The following USP6NL variants were observed in gnomAD, a reference collection of about 807,000 sequenced individuals.
USP6NL encodes the protein USP6 N-terminal-like protein.
USP6NL carries 26 observed loss-of-function variants against 61.9 expected under a neutral mutation model. That is an observed-to-expected ratio of 0.42 (90% CI 0.31 to 0.58). The LOEUF is 0.58. Among genes scored for constraint, USP6NL ranks in the 20% least tolerant of loss-of-function variants. The probability of loss-of-function intolerance (pLI) is 0.16; values close to 1 mark genes in which losing one functional copy is unlikely to be tolerated. For missense variants in USP6NL, 1,114 were observed against 1,034.3 expected (o/e 1.08, Z -1.06); for synonymous variants, 432 against 390.1 (o/e 1.11, Z -1.27).
intron 7 of USP6NL, among the ~76,000 whole-genome samples, chr10:11,494,740 G>T (rs1319620602): frequency 7.1e-6 from 1 of 140,436 alleles, no homozygotes; most frequent in Non-Finnish European, 1.6e-5. Flanking sequence ...AGAGAGAGAG[G>T]GAGACAGAGA....
intron 2 of USP6NL, among the ~76,000 whole-genome samples, chr10:11,529,373 T>TA (rs1017543267): frequency 6.6e-6 from 1 of 152,178 alleles, no homozygotes; most frequent in African/African-American, 2.4e-5. Context: ...ATAATATGTG[T>TA]AAAAAAATCT....
Position 11,461,293 on chromosome 10 carries a change from T to A in USP6NL, c.*1148A>T, listed in dbSNP as rs2096213357. 1 of 151,926 alleles carries A rather than the reference T, an allele frequency of 6.6e-6. No individual in the cohort carries two copies. The highest frequency in any genetic ancestry group is 6.6e-5 in the Admixed American group (1 of 15,226). 9.4% of individuals were successfully genotyped at this position (151,926 alleles called of 1,614,324 possible). On this transcript the variant is annotated 3_prime_UTR_variant, in exon 15 of 15. Transcript: ENST00000609104. ...AATGAAAAAAAGATGTTCAAAAGCA[T>A]GAAATCACACTGTATTTTTTAAAAG...
chr10:11,486,885 A>G (rs1347010826), intron 10 of USP6NL, among the ~76,000 whole-genome samples: 1 of 152,116 alleles, frequency 6.6e-6, no homozygotes, highest in Admixed American at 6.6e-5. Context: ...ACTCTATTCC[A>G]CCAAAAACCT....
chr10:11,558,816 CTTTT>C (rs1365517524), intron 2 of USP6NL, among the ~76,000 whole-genome samples: 1 of 151,942 alleles, frequency 6.6e-6, no homozygotes, highest in African/African-American at 2.4e-5. Context: ...AATACAGGGA[CTTTT>C]TTTTCCTGGA....
chr10:11,504,301 C>G (rs751384100), intron 6 of USP6NL, among the ~76,000 whole-genome samples: 1 of 151,480 alleles, frequency 6.6e-6, no homozygotes, highest in Non-Finnish European at 1.5e-5. Flanking sequence ...TACCTCCAAA[C>G]ACAACAGTTT....
At position 11,463,447 on chromosome 10, in the gene USP6NL, G is replaced by A. The variant is rs2096226318; in HGVS notation, c.1481C>T (p.Ser494Leu). The change falls in exon 15 of 15, where the codon TCA (serine) becomes TTA (leucine). Residue 494 changes from serine (S) to leucine (L), a missense_variant. Ser to Leu is a moderately radical substitution (Grantham distance 145, BLOSUM62 -2). Transcript: ENST00000609104. This position sits in a 1 kb window ranked among gnomAD's most constrained non-coding sequence, Gnocchi z 6.3. ...GTATTTGGCAGTTCTCTCTGTAGCT[G>A]AGACGTCTGACGGTTTATTCCATTT... ...VPKWNKPSDV[S>L]ATERTAKYTM... The A allele has an allele frequency of 1.2e-6, 2 of 1,613,966 alleles. No individual in the cohort carries two copies. Among genetic ancestry groups the A allele is most frequent in the East Asian group, 2.2e-5 (1 of 44,904 alleles).
rs77214379 is a variant in USP6NL, at chr10:11,466,771, C to T, written c.1079-2922G>A. ...TGCACACCGAGGCTCTATGATACAGCCTACTACTCCTCAGCTACAAACACA... is the reference window on the plus strand; with the variant it reads ...TGCACACCGAGGCTCTATGATACAGTCTACTACTCCTCAGCTACAAACACA... On this transcript the variant is annotated intron_variant, in intron 14 of 14. Transcript: ENST00000609104. Among the ~76,000 whole-genome samples the T allele has an allele frequency of 3.9e-5, 6 of 152,264 alleles. No individual in the cohort carries two copies. In the East Asian group the frequency reaches 1.2e-3, roughly 29 times the overall value.
intron 1 of USP6NL, among the ~76,000 whole-genome samples, chr10:11,610,707 G>C (rs1838860570): frequency 1.3e-5 from 2 of 151,644 alleles, no homozygotes; most frequent in South Asian, 2.1e-4. Context: ...TCCAAAGAAG[G>C]CATGCTGAAG....
chr10:11,586,517 T>G (rs1441068329), intron 2 of USP6NL, among the ~76,000 whole-genome samples: 1 of 152,148 alleles, frequency 6.6e-6, no homozygotes, highest in Non-Finnish European at 1.5e-5. Context: ...CAATTAATGT[T>G]AGAAATCCAA....
chr10:11,527,786 C>T (rs969618367), intron 2 of USP6NL, among the ~76,000 whole-genome samples: 2 of 152,120 alleles, frequency 1.3e-5, no homozygotes, highest in South Asian at 4.1e-4. Context: ...AAGGCATAAA[C>T]TTAGGACATG....
rs1455917055 is a variant in USP6NL, at chr10:11,490,035, G to T, written c.543+797C>A. Among the ~76,000 whole-genome samples the T allele has an allele frequency of 1.3e-5, 2 of 152,316 alleles. No homozygotes were observed. The highest frequency in any genetic ancestry group is 3.4e-3 in the Middle Eastern group (1 of 294). On this transcript the variant is annotated intron_variant, in intron 9 of 14. Coordinates refer to ENST00000609104, the MANE Select transcript of USP6NL (RefSeq NM_014688.5). This position sits in a 1 kb window ranked among gnomAD's most constrained non-coding sequence, Gnocchi z 4.5. Reference sequence around the variant, plus strand: ...CCCCAGAATGGGAGAGATGGAAGGTGCAGCTTTCCTTCTCACCAGACGCTT... The same window carrying T: ...CCCCAGAATGGGAGAGATGGAAGGTTCAGCTTTCCTTCTCACCAGACGCTT...
chr10:11,494,610 T>C (rs1278760391), intron 7 of USP6NL, among the ~76,000 whole-genome samples: 1 of 152,108 alleles, frequency 6.6e-6, no homozygotes, highest in Non-Finnish European at 1.5e-5. Flanking sequence ...CTGTTATTTA[T>C]TGGATACAAA....
At position 11,485,434 on chromosome 10, in the gene USP6NL, T is replaced by G. The variant is rs1833419670; in HGVS notation, c.760-200A>C. On this transcript the variant is annotated intron_variant, in intron 11 of 14. Coordinates refer to ENST00000609104, the MANE Select transcript of USP6NL (RefSeq NM_014688.5). The surrounding 1 kb of genome is among the most constrained non-coding windows in gnomAD (Gnocchi z 4.8). ...TAATATATTTTACAGTGAGCTTTCTTTGTTTTACTAAACTACTGTGTTTTA... is the reference window on the plus strand; with the variant it reads ...TAATATATTTTACAGTGAGCTTTCTGTGTTTTACTAAACTACTGTGTTTTA... Among the ~76,000 whole-genome samples, 1 of 152,226 alleles carries G rather than the reference T, an allele frequency of 6.6e-6. No homozygotes were observed. Among genetic ancestry groups the G allele is most frequent in the Admixed American group, 6.5e-5 (1 of 15,280 alleles).
Position 11,487,154 on chromosome 10 carries a change from A to G in USP6NL, c.665-1243T>C, listed in dbSNP as rs1004010081. Among the ~76,000 whole-genome samples the G allele has an allele frequency of 4.6e-5, 7 of 152,330 alleles. No individual in the cohort carries two copies. The highest frequency in any genetic ancestry group is 1.7e-4 in the African/African-American group (7 of 41,580). On this transcript the variant is annotated intron_variant, in intron 10 of 14. Coordinates refer to ENST00000609104, the MANE Select transcript of USP6NL (RefSeq NM_014688.5). The surrounding 1 kb of genome is among the most constrained non-coding windows in gnomAD (Gnocchi z 4.2). ...AGTCTAATTTTCGAAAAGTCAATAC[A>G]GTTCAGTAATAACTAGCTCAAGAAT...
chr10:11,546,250 G>A (rs1243340334), intron 2 of USP6NL, among the ~76,000 whole-genome samples: 1 of 152,040 alleles, frequency 6.6e-6, no homozygotes, highest in Non-Finnish European at 1.5e-5. Context: ...GTGAGAGAAA[G>A]GTAAACTATA....
Position 11,552,915 on chromosome 10 carries a change from C to A in USP6NL, c.5-25348G>T, listed in dbSNP as rs144196601. 7.5e-3 allele frequency among the ~76,000 whole-genome samples: 1,136 copies of A among 151,908 alleles called. 7 individuals carry two copies. The highest frequency in any genetic ancestry group is 0.012 in the Non-Finnish European group (831 of 67,962). On this transcript the variant is annotated intron_variant, in intron 2 of 14. Coordinates refer to ENST00000609104, the MANE Select transcript of USP6NL (RefSeq NM_014688.5). ...GGTGAAGTCTGGGCTTTTAGTGTAC[C>A]CATTACCCCAATAAAGAATAATGTA...
intron 2 of USP6NL, among the ~76,000 whole-genome samples, chr10:11,560,906 A>G (rs908838562): frequency 1.3e-5 from 2 of 151,928 alleles, no homozygotes; most frequent in Non-Finnish European, 2.9e-5. Flanking sequence ...GAAAATTAGA[A>G]AACAGGAAAA....
At chr10:11,564,727 C>T (rs1428547761) in intron 2 of USP6NL, 3 of 152,208 alleles carry the variant, frequency 2.0e-5, no homozygotes, top group Non-Finnish European at 4.4e-5. Flanking sequence ...CAGCTATCCC[C>T]TATGATACAC....
intron 2 of USP6NL, among the ~76,000 whole-genome samples, chr10:11,542,164 C>T (rs755762696): frequency 6.6e-6 from 1 of 152,160 alleles, no homozygotes; most frequent in African/African-American, 2.4e-5. Context: ...ATTAAACTTT[C>T]TAATATTCAT....
Sources: allele counts gnomAD v4.1 joint callset (sites outside exome capture counted in the v4.1 genomes callset), GRCh38; gene constraint gnomAD v4.1.1; non-coding constraint Gnocchi (gnomAD v3.1); transcripts MANE v1.5; gene names NCBI Gene and HGNC (gene_info 2026-07-23, HGNC 2026-07-21).